The following UBE2C variants were observed in gnomAD, a reference collection of about 807,000 sequenced individuals.
UBE2C encodes the protein ubiquitin-conjugating enzyme E2 C.
UBE2C carries 16 observed loss-of-function variants against 23.5 expected under a neutral mutation model. The ratio of observed to expected loss-of-function variants is 0.68; its 90% CI spans 0.46 to 1.03. The LOEUF is 1.03. Ranked by LOEUF, UBE2C falls within the 50% of genes least tolerant of loss-of-function variation. UBE2C has a pLI of 0.00. For missense variants in UBE2C, 192 were observed against 227.6 expected (o/e 0.84, Z 1.01); for synonymous variants, 76 against 91.6 (o/e 0.83, Z 0.97).
intron 2 of UBE2C, among the ~76,000 whole-genome samples, chr20:45,813,746 TCC>T (rs899728058): frequency 2.6e-5 from 4 of 151,950 alleles, no homozygotes; most frequent in Non-Finnish European, 5.9e-5. Flanking sequence ...CACACCCAAC[TCC>T]CCGCCCTTCT....
In UBE2C at chr20:45,816,935, C is replaced by T; in HGVS notation, c.*168C>T. 1 of 550,520 alleles carries T rather than the reference C, an allele frequency of 1.8e-6. No homozygotes were observed. Among genetic ancestry groups the T allele is most frequent in the Non-Finnish European group, 3.1e-6 (1 of 319,996 alleles). The allele number at this position is 550,520 out of a possible 1,614,324, so 34.1% of individuals were successfully genotyped here. On this transcript the variant is annotated 3_prime_UTR_variant, in exon 6 of 6. Transcript: ENST00000356455. ...TGAGCCCTTGTATATTAAATAAATG[C>T]ATTTTTGTCCTTTTTTAGACAAGTT... is the stretch of plus-strand genomic sequence containing the variant.
At chr20:45,813,262 G>A (rs1371523564) in intron 1 of UBE2C, 175 bp from the exon 2 acceptor site, 1 of 1,506,692 alleles carries the variant, frequency 6.6e-7, no homozygotes, top group African/African-American at 1.4e-5. Context: ...GGGAGGGTGA[G>A]GACTCGCTAG....
At chr20:45,813,346 G>T (rs1982110181) in intron 1 of UBE2C, 91 bp from the exon 2 acceptor site, 25 of 1,610,632 alleles carry the variant, frequency 1.6e-5, no homozygotes, top group Non-Finnish European at 1.9e-5. Context: ...CTCCATGACG[G>T]CTCCCCCTGA....
chr20:45,815,370 TAA>T, intron 3 of UBE2C, 169 bp from the exon 4 acceptor site: 1 of 1,575,962 alleles, frequency 6.3e-7, no homozygotes, highest in South Asian at 1.2e-5. Context: ...AAAACTAAAC[TAA>T]AAAAACTTTT....
At chr20:45,813,255 A>G (rs1392003401) in intron 1 of UBE2C, 182 bp from the exon 2 acceptor site, 3 of 1,498,956 alleles carry the variant, frequency 2.0e-6, no homozygotes, top group Non-Finnish European at 2.7e-6. Flanking sequence ...GGAATTAGGG[A>G]GGGTGAGGAC....
chr20:45,816,179 C>A (rs1485936578), intron 5 of UBE2C, among the ~76,000 whole-genome samples: 1 of 152,216 alleles, frequency 6.6e-6, no homozygotes, highest in Non-Finnish European at 1.5e-5. Flanking sequence ...GCCAGGAATT[C>A]AGTAGAGTGC....
chr20:45,813,419 C>T lies in UBE2C; in HGVS notation c.102-18C>T, dbSNP rs774853666. 4.3e-6 allele frequency: 7 copies of T among 1,613,998 alleles called. No individual in the cohort carries two copies. The East Asian group carries it at 1.6e-4, about 36-fold the overall frequency. On this transcript the variant is annotated intron_variant, in intron 1 of 5. Coordinates refer to ENST00000356455, the MANE Select transcript of UBE2C (RefSeq NM_007019.4). Reference sequence around the variant, plus strand: ...GCCCATCCAGACTCCCAGGTAACCCCGAATACTCTTTTTTCAGGCTACAGC... The same window carrying T: ...GCCCATCCAGACTCCCAGGTAACCCTGAATACTCTTTTTTCAGGCTACAGC...
At chr20:45,815,993 C>T in intron 5 of UBE2C, 80 bp downstream of exon 5, 1 of 1,529,928 alleles carries the variant, frequency 6.5e-7, no homozygotes, top group South Asian at 1.2e-5. Context: ...AGCCCAGTGA[C>T]TTGGGACCGG....
rs1199660803 is a variant in UBE2C, at chr20:45,812,663, C to G, written c.-33C>G. Reference sequence around the variant, plus strand: ...AGTCCTGCAGTTGCAGTCGTGTTCTCCGAGTTCCTGTCTCTCTGCCAACGC... The same window carrying G: ...AGTCCTGCAGTTGCAGTCGTGTTCTGCGAGTTCCTGTCTCTCTGCCAACGC... On this transcript the variant is annotated 5_prime_UTR_variant, in exon 1 of 6. Coordinates refer to ENST00000356455, the MANE Select transcript of UBE2C (RefSeq NM_007019.4). 1.3e-6 allele frequency: 2 copies of G among 1,550,238 alleles called. No homozygotes were observed. Among genetic ancestry groups the G allele is most frequent in the African/African-American group, 1.4e-5 (1 of 73,176 alleles).
chr20:45,813,511 G>C (rs1982134087), intron 2 of UBE2C, 47 bp downstream of exon 2: 1 of 1,613,616 alleles, frequency 6.2e-7, no homozygotes, highest in Non-Finnish European at 8.5e-7. Flanking sequence ...CCAATTTTCA[G>C]TAGCCTCCTT....
chr20:45,814,304 T>C lies in UBE2C; in HGVS notation c.130-80T>C, dbSNP rs1428973660. 40 of 549,386 alleles carry C rather than the reference T, an allele frequency of 7.3e-5. No individual in the cohort carries two copies. The Admixed American group carries it at 1.1e-3, about 15-fold the overall frequency. The allele number at this position is 549,386 out of a possible 1,614,324, so 34.0% of individuals were successfully genotyped here. Reference sequence around the variant, plus strand: ...TATATATATATATATATATATAAAATTAAGGGGAAAGCTCACCCACTGACC... The same window carrying C: ...TATATATATATATATATATATAAAACTAAGGGGAAAGCTCACCCACTGACC... On this transcript the variant is annotated intron_variant, in intron 2 of 5. Coordinates refer to ENST00000356455, the MANE Select transcript of UBE2C (RefSeq NM_007019.4).
At chr20:45,815,414 TC>T (rs778984580) in intron 3 of UBE2C, 126 bp from the exon 4 acceptor site, 39 of 1,612,048 alleles carry the variant, frequency 2.4e-5, no homozygotes, top group Non-Finnish European at 3.3e-5. Flanking sequence ...CAGAACCAGC[TC>T]AACAGTTTGT....
In UBE2C at chr20:45,813,463, T is replaced by C. The variant is rs545175408; in HGVS notation, c.128T>C (p.Met43Thr). ...KRLQQELMTL[M>T]MSGDKGISAF... ...CTACAGCAGGAGCTGATGACCCTCATGGTGAGTGATTAAGTGCCCAGAACC... is the reference window on the plus strand; with the variant it reads ...CTACAGCAGGAGCTGATGACCCTCACGGTGAGTGATTAAGTGCCCAGAACC... The change falls in exon 2 of 6, where the codon ATG (methionine) becomes ACG (threonine). Residue 43 changes from methionine (M) to threonine (T), a missense_variant and splice_region_variant. Physicochemically the swap from Met to Thr is moderately conservative, Grantham distance 81. Coordinates refer to ENST00000356455, the MANE Select transcript of UBE2C (RefSeq NM_007019.4). 1.9e-6 allele frequency: 3 copies of C among 1,614,108 alleles called. No individual in the cohort carries two copies. In the African/African-American group the frequency reaches 4.0e-5, roughly 22 times the overall value.
At chr20:45,814,250 A>ATG (rs3080105) in intron 2 of UBE2C, 134 bp from the exon 3 acceptor site, 5,246 of 354,568 alleles carry the variant, frequency 0.015, 123 homozygotes, top group African/African-American at 0.024. Context: ...ATACATATAT[A>ATG]TGTGTGTGTG....
Position 45,816,907 on chromosome 20 carries a change from G to T in UBE2C, c.*140G>T. On this transcript the variant is annotated 3_prime_UTR_variant, in exon 6 of 6. Coordinates refer to ENST00000356455, the MANE Select transcript of UBE2C (RefSeq NM_007019.4). Reference sequence around the variant, plus strand: ...GTTTTTGTCTTTTAAATTAAGCCTCGGTTGAGCCCTTGTATATTAAATAAA... The same window carrying T: ...GTTTTTGTCTTTTAAATTAAGCCTCTGTTGAGCCCTTGTATATTAAATAAA... 1 of 667,640 alleles carries T rather than the reference G, an allele frequency of 1.5e-6. No individual in the cohort carries two copies. Among genetic ancestry groups the T allele is most frequent in the Non-Finnish European group, 2.5e-6 (1 of 407,578 alleles). 41.4% of individuals were successfully genotyped at this position (667,640 alleles called of 1,614,324 possible). A position where few individuals can be genotyped will look rare whatever the true frequency, so the allele number is the denominator to read the frequency against.
intron 3 of UBE2C, 41 bp downstream of exon 3, chr20:45,814,511 G>A: frequency 1.3e-6 from 2 of 1,544,130 alleles, no homozygotes; most frequent in African/African-American, 1.4e-5. Flanking sequence ...TCTGGGGAAA[G>A]GTGGGAAGTG....
Position 45,815,697 on chromosome 20 carries a change from C to G in UBE2C, c.373C>G (p.Leu125Val). The change falls in exon 4 of 6, where the codon CTG becomes GTG. Residue 125 changes from leucine (L) to valine (V), a missense_variant. Coordinates refer to ENST00000356455, the MANE Select transcript of UBE2C (RefSeq NM_007019.4). ...LDILKEKWSA[L>V]YDVRTILLSI... Reference sequence around the variant, plus strand: ...CATCCTGAAGGAAAAGTGGTCTGCCCTGTATGATGTCAGGACCATTCTGCT... The same window carrying G: ...CATCCTGAAGGAAAAGTGGTCTGCCGTGTATGATGTCAGGACCATTCTGCT... 1 of 1,614,120 alleles carries G rather than the reference C, an allele frequency of 6.2e-7. No individual in the cohort carries two copies. Among genetic ancestry groups the G allele is most frequent in the Non-Finnish European group, 8.5e-7 (1 of 1,180,030 alleles).
At position 45,812,679 on chromosome 20, in the gene UBE2C, C is replaced by T; in HGVS notation, c.-17C>T. The T allele has an allele frequency of 6.4e-7, 1 of 1,550,918 alleles. No individual in the cohort carries two copies. Among genetic ancestry groups the T allele is most frequent in the Non-Finnish European group, 8.7e-7 (1 of 1,146,918 alleles). On this transcript the variant is annotated 5_prime_UTR_variant, in exon 1 of 6. Coordinates refer to ENST00000356455, the MANE Select transcript of UBE2C (RefSeq NM_007019.4). The stretch of plus-strand genomic sequence containing the variant: ...TCGTGTTCTCCGAGTTCCTGTCTCT[C>T]TGCCAACGCCGCCCGGATGGCTTCC...
intron 2 of UBE2C, among the ~76,000 whole-genome samples, chr20:45,814,146 C>CTCTATATATA (rs1158772080): frequency 1.6e-4 from 22 of 133,950 alleles, no homozygotes; most frequent in African/African-American, 5.7e-4. Flanking sequence ...CTCTCTCTCT[C>CTCTATATATA]TATATATATA....
Sources: allele counts gnomAD v4.1 joint callset (sites outside exome capture counted in the v4.1 genomes callset), GRCh38; gene constraint gnomAD v4.1.1; transcripts MANE v1.5; gene names NCBI Gene and HGNC (gene_info 2026-07-23, HGNC 2026-07-21).